Variants in ARHGEF37 observed in about 807,000 individuals in gnomAD.
ARHGEF37 encodes the protein Rho guanine nucleotide exchange factor 37.
A neutral mutation model predicts 71.1 loss-of-function variants in ARHGEF37; 55 were observed. The ratio of observed to expected loss-of-function variants is 0.77; its 90% CI spans 0.62 to 0.97. The LOEUF is 0.97. ARHGEF37 is among the 50% of genes least tolerant of loss of function. ARHGEF37 has a pLI of 0.00. For missense variants in ARHGEF37, 765 were observed against 836.8 expected, an observed-to-expected ratio of 0.91 and a Z score of 1.06; for synonymous variants, 327 against 350.6, an observed-to-expected ratio of 0.93 and a Z score of 0.75.
intron 12 of ARHGEF37, among the ~76,000 whole-genome samples, chr5:149,630,982 T>C (rs534403930): frequency 1.3e-5 from 2 of 152,338 alleles, no homozygotes; most frequent in Non-Finnish European, 2.9e-5. Flanking sequence ...TATTCCTTCA[T>C]GAAATTCTCT....
chr5:149,607,736 G>GAGAATTATA (rs1365695244), intron 3 of ARHGEF37, among the ~76,000 whole-genome samples: 104 of 151,274 alleles, frequency 6.9e-4, no homozygotes, highest in African/African-American at 2.3e-3. Flanking sequence ...CAACGGTGGG[G>GAGAATTATA]AGAATTATAA....
intron 1 of ARHGEF37, among the ~76,000 whole-genome samples, chr5:149,583,875 C>T (rs1763168597): frequency 1.3e-5 from 2 of 152,182 alleles, no homozygotes; most frequent in Admixed American, 6.5e-5. Flanking sequence ...ATCCTCCTGC[C>T]TCAGCCTTCT....
intron 10 of ARHGEF37, 21 bp from the exon 11 acceptor site, chr5:149,627,054 GT>G (rs1752707135): frequency 1.9e-6 from 3 of 1,596,982 alleles, no homozygotes; most frequent in Admixed American, 3.5e-5. Flanking sequence ...ACTTGTGTCT[GT>G]CTGTGCTCCT....
chr5:149,601,884 A>G (rs923981715), intron 3 of ARHGEF37, among the ~76,000 whole-genome samples: 1 of 152,076 alleles, frequency 6.6e-6, no homozygotes, highest in Non-Finnish European at 1.5e-5. Context: ...CTCCAGGGAA[A>G]TTAGTGAGGG....
chr5:149,598,353 CTTCCTCTTCCTCT>C (rs1273130675), intron 2 of ARHGEF37, among the ~76,000 whole-genome samples: 2 of 69,142 alleles, frequency 2.9e-5, no homozygotes, highest in African/African-American at 1.2e-4. Flanking sequence ...TCCTCTTCTT[CTTCCTCTTCCTCT>C]TCTTCCTCTT....
At chr5:149,622,435 G>T (rs865882552) in intron 9 of ARHGEF37, among the ~76,000 whole-genome samples, 1 of 152,156 alleles carries the variant, frequency 6.6e-6, no homozygotes, top group Admixed American at 6.5e-5. Context: ...GTCTCAAGCC[G>T]GTGTTACTAT....
chr5:149,609,796 G>A (rs773280305), intron 4 of ARHGEF37, 101 bp downstream of exon 4: 34 of 1,497,712 alleles, frequency 2.3e-5, no homozygotes, highest in African/African-American at 5.5e-5. Context: ...GCTGCTTCAC[G>A]AGTGTTGCTC....
chr5:149,598,163 T>G (rs1251968639), intron 2 of ARHGEF37, among the ~76,000 whole-genome samples: 1 of 152,204 alleles, frequency 6.6e-6, no homozygotes, highest in East Asian at 1.9e-4. Context: ...AGAGTCTTAG[T>G]GTATTCCTTG....
At chr5:149,551,800 G>T (rs1762672738), upstream of ARHGEF37, 1 of 152,176 alleles carries the variant, frequency 6.6e-6, no homozygotes, top group Non-Finnish European at 1.5e-5. Flanking sequence ...TGTGCTCTTT[G>T]AGGCGGTTTT....
intron 9 of ARHGEF37, among the ~76,000 whole-genome samples, chr5:149,622,920 C>T (rs1287449112): frequency 6.6e-6 from 1 of 152,176 alleles, no homozygotes; most frequent in Non-Finnish European, 1.5e-5. Context: ...CACACTGTTT[C>T]CTGTGTGTCA....
In ARHGEF37 at chr5:149,618,294, G is replaced by A; in HGVS notation, c.777G>A (p.Gly259=). ...RLSQLLKQEA[G]LIPRTEDKEF... ...GCCAGCTGCTGAAGCAGGAGGCGGG[G>A]CTGATCCCCAGGGTGAGCGTGCGCC... The change falls in exon 6 of 13, where the codon GGG becomes GGA. Residue 259 remains glycine (G), a synonymous_variant. Coordinates refer to ENST00000333677, the MANE Select transcript of ARHGEF37 (RefSeq NM_001001669.3). 1 of 1,614,196 alleles carries A rather than the reference G, an allele frequency of 6.2e-7. No homozygotes were observed. The highest frequency in any genetic ancestry group is 8.5e-7 in the Non-Finnish European group (1 of 1,180,032).
At chr5:149,598,532 C>T (rs1379628099) in intron 2 of ARHGEF37, among the ~76,000 whole-genome samples, 1 of 150,434 alleles carries the variant, frequency 6.6e-6, no homozygotes, top group Non-Finnish European at 1.5e-5. Context: ...TCAAGGGTCT[C>T]TTTATTCGAT....
At chr5:149,623,608 G>A (rs1752600132) in intron 9 of ARHGEF37, among the ~76,000 whole-genome samples, 1 of 152,204 alleles carries the variant, frequency 6.6e-6, no homozygotes, top group African/African-American at 2.4e-5. Flanking sequence ...AAAGCAGAAA[G>A]TAAGGGCGCT....
intron 1 of ARHGEF37, 80 bp from the exon 2 acceptor site, chr5:149,597,679 A>G: frequency 7.7e-7 from 1 of 1,307,178 alleles, no homozygotes; most frequent in Non-Finnish European, 1.0e-6. Context: ...CCTCTTGATG[A>G]GTAATTGTCA....
chr5:149,561,969 C>T (rs756800400), intron 1 of ARHGEF37, among the ~76,000 whole-genome samples: 13 of 152,192 alleles, frequency 8.5e-5, no homozygotes, highest in Non-Finnish European at 1.6e-4. Context: ...TTATTACTCA[C>T]TATAGTAATC....
In ARHGEF37 at chr5:149,595,059, A is replaced by T. The variant is rs189182576; in HGVS notation, c.-11-2700A>T. On this transcript the variant is annotated intron_variant, in intron 1 of 12. Coordinates refer to ENST00000333677, the MANE Select transcript of ARHGEF37 (RefSeq NM_001001669.3). ...GAGAACAGGTTTGTGGTTGCCAAGGATTAGGATAGGATGGGGACTGGAGCG... is the reference window on the plus strand; with the variant it reads ...GAGAACAGGTTTGTGGTTGCCAAGGTTTAGGATAGGATGGGGACTGGAGCG... Among the ~76,000 whole-genome samples, 140 of 152,340 alleles carry T rather than the reference A, an allele frequency of 9.2e-4. 1 individual carries two copies. The highest frequency in any genetic ancestry group is 4.4e-3 in the East Asian group (23 of 5,188).
At chr5:149,607,365 T>C (rs77311285) in intron 3 of ARHGEF37, among the ~76,000 whole-genome samples, 3,945 of 152,326 alleles carry the variant, frequency 0.026, 165 homozygotes, top group African/African-American at 0.091. Flanking sequence ...TTGGTGCTGC[T>C]CTTCCCTTGC....
upstream of ARHGEF37, among the ~76,000 whole-genome samples, chr5:149,551,728 G>A (rs1055484015): frequency 1.3e-5 from 2 of 152,268 alleles, no homozygotes; most frequent in African/African-American, 2.4e-5. Context: ...ATTGGGAGGA[G>A]TCACCTTCAT....
chr5:149,567,160 T>C (rs549570990), intron 1 of ARHGEF37, among the ~76,000 whole-genome samples: 1 of 152,340 alleles, frequency 6.6e-6, no homozygotes, highest in South Asian at 2.1e-4. Context: ...CATCTTGACA[T>C]TTTTGAAAAC....
Sources: gnomAD v4.1 joint callset for allele counts (sites outside exome capture counted in the v4.1 genomes callset) on GRCh38, gnomAD v4.1.1 for gene constraint, MANE v1.5 for transcripts, NCBI Gene and HGNC (gene_info 2026-07-23, HGNC 2026-07-21) for gene names.